ELP3: variants seen among roughly 807,000 people sequenced by gnomAD.
ELP3 encodes elongator acetyltransferase complex subunit 3.
A neutral mutation model predicts 74.9 loss-of-function variants in ELP3; 56 were observed. The ratio of observed to expected loss-of-function variants is 0.75; its 90% CI spans 0.60 to 0.93. The LOEUF (loss-of-function observed/expected upper bound fraction) is 0.93. Ranked by LOEUF, ELP3 falls within the 40% of genes least tolerant of loss-of-function variation. ELP3 has a pLI of 0.00. For missense variants in ELP3, 573 were observed against 686.5 expected, an observed-to-expected ratio of 0.83 and a Z score of 1.85; for synonymous variants, 222 against 239.8, an observed-to-expected ratio of 0.93 and a Z score of 0.68.
At position 28,166,575 on chromosome 8, in the gene ELP3, A is replaced by G. The variant is rs555168576; in HGVS notation, c.1567+4497A>G. On this transcript the variant is annotated intron_variant, in intron 14 of 14. Coordinates refer to ENST00000256398, the MANE Select transcript of ELP3 (RefSeq NM_018091.6). ...ACGATGTTTATCTACTTGGGTGATC[A>G]GCATTCTTTCCTTTAAAAATGTTAA... Among the ~76,000 whole-genome samples, 4 of 152,346 alleles carry G rather than the reference A, an allele frequency of 2.6e-5. No homozygotes were observed. In the South Asian group the frequency reaches 8.3e-4, roughly 32 times the overall value.
At chr8:28,149,146 A>G (rs1252160857) in intron 10 of ELP3, among the ~76,000 whole-genome samples, 3 of 152,208 alleles carry the variant, frequency 2.0e-5, no homozygotes, top group Non-Finnish European at 4.4e-5. Flanking sequence ...GTTGTTCATA[A>G]TCTAAACAGT....
chr8:28,164,640 G>C (rs1172275255), intron 14 of ELP3, among the ~76,000 whole-genome samples: 1 of 152,056 alleles, frequency 6.6e-6, no homozygotes, highest in East Asian at 1.9e-4. Context: ...TTTGACTTAA[G>C]CTCTGGTCAC....
At chr8:28,129,698 C>T (rs1342207479) in intron 8 of ELP3, 35 bp downstream of exon 8, 4 of 1,611,080 alleles carry the variant, frequency 2.5e-6, no homozygotes, top group Non-Finnish European at 3.4e-6. Flanking sequence ...CACAAGTCTT[C>T]CTCCAAGTTC....
At chr8:28,171,826 A>G (rs1358818380) in intron 14 of ELP3, among the ~76,000 whole-genome samples, 1 of 152,096 alleles carries the variant, frequency 6.6e-6, no homozygotes, top group Non-Finnish European at 1.5e-5. Context: ...TTTTGAGTTC[A>G]TTTTTGTATA....
chr8:28,150,980 G>T (rs1000090768), intron 10 of ELP3, among the ~76,000 whole-genome samples: 1 of 152,070 alleles, frequency 6.6e-6, no homozygotes, highest in African/African-American at 2.4e-5. Flanking sequence ...TCATTATGTT[G>T]TCTAGGCTGG....
At chr8:28,176,335 A>C (rs1378295280) in intron 14 of ELP3, among the ~76,000 whole-genome samples, 2 of 152,234 alleles carry the variant, frequency 1.3e-5, no homozygotes, top group Admixed American at 6.5e-5. Context: ...AACAAAGACA[A>C]GTGTCTGCAC....
At chr8:28,120,035 T>C (rs1301518256) in intron 7 of ELP3, among the ~76,000 whole-genome samples, 1 of 152,208 alleles carries the variant, frequency 6.6e-6, no homozygotes, top group African/African-American at 2.4e-5. Flanking sequence ...TTTGTGGCCA[T>C]TATGAATAAA....
chr8:28,156,018 G>T lies in ELP3; in HGVS notation c.1177G>T (p.Asp393Tyr). The change falls in exon 11 of 15, where the codon GAC (aspartate) becomes TAC (tyrosine). Residue 393 changes from aspartate to tyrosine, a missense_variant. Asp to Tyr is a radical substitution (Grantham distance 160). Coordinates refer to ENST00000256398, the MANE Select transcript of ELP3 (RefSeq NM_018091.6). ...AGAGCTGGCACTTGCAAGAATGAAA[G>T]ACCTCGGAATACAGGTAAGAGCAAA... ...LRELALARMKDLGIQCRDVRT... is the reference protein window; with the variant it reads ...LRELALARMKYLGIQCRDVRT... The T allele has an allele frequency of 1.2e-6, 2 of 1,613,680 alleles. No individual in the cohort carries two copies. The highest frequency in any genetic ancestry group is 2.2e-5 in the South Asian group (2 of 91,060).
intron 13 of ELP3, among the ~76,000 whole-genome samples, chr8:28,160,956 A>G (rs571045176): frequency 6.6e-6 from 1 of 152,282 alleles, no homozygotes; most frequent in East Asian, 1.9e-4. Flanking sequence ...TGGCCTCCCA[A>G]AGTGCTGAGA....
intron 14 of ELP3, among the ~76,000 whole-genome samples, chr8:28,165,611 G>A (rs1814276051): frequency 6.6e-6 from 1 of 151,960 alleles, no homozygotes; most frequent in Admixed American, 6.6e-5. Flanking sequence ...TTATCATTTT[G>A]GTTACTGTTG....
intron 10 of ELP3, among the ~76,000 whole-genome samples, chr8:28,143,966 A>G (rs1813338554): frequency 6.6e-6 from 1 of 152,202 alleles, no homozygotes; most frequent in Admixed American, 6.5e-5. Flanking sequence ...CACAACCTCT[A>G]TAGAATTGGG....
chr8:28,111,576 CG>C (rs1811916955), intron 6 of ELP3, among the ~76,000 whole-genome samples: 1 of 152,166 alleles, frequency 6.6e-6, no homozygotes, highest in Non-Finnish European at 1.5e-5. Context: ...ACAGGATTGT[CG>C]GTGACAGGAG....
chr8:28,144,502 C>G (rs2130503637), intron 10 of ELP3, among the ~76,000 whole-genome samples: 1 of 152,182 alleles, frequency 6.6e-6, no homozygotes, highest in East Asian at 1.9e-4. Context: ...TGCCTGTAGT[C>G]CCAGCTGCTC....
chr8:28,164,898 G>A (rs189043703), intron 14 of ELP3, among the ~76,000 whole-genome samples: 13 of 152,164 alleles, frequency 8.5e-5, no homozygotes, highest in African/African-American at 2.2e-4. Context: ...ATGTGTGTGC[G>A]TGTGTTTTAG....
Position 28,138,714 on chromosome 8 carries a change from C to T in ELP3, c.1100+823C>T, listed in dbSNP as rs3757896. On this transcript the variant is annotated intron_variant, in intron 10 of 14. Coordinates refer to ENST00000256398, the MANE Select transcript of ELP3 (RefSeq NM_018091.6). Reference sequence around the variant, plus strand: ...AAAGCAATGAACACTGAAAACAAGCCGAATTAACTACTTAAGGAGAATTAT... The same window carrying T: ...AAAGCAATGAACACTGAAAACAAGCTGAATTAACTACTTAAGGAGAATTAT... 9.6e-3 allele frequency among the ~76,000 whole-genome samples: 1,456 copies of T among 152,176 alleles called. 30 individuals carry two copies. The highest frequency in any genetic ancestry group is 0.03 in the African/African-American group (1,228 of 41,522).
At chr8:28,187,941 G>A (rs1563296407) in intron 14 of ELP3, among the ~76,000 whole-genome samples, 2 of 152,222 alleles carry the variant, frequency 1.3e-5, no homozygotes, top group Non-Finnish European at 2.9e-5. Flanking sequence ...CACAGGAAGC[G>A]CGTGCACAGA....
intron 8 of ELP3, 53 bp from the exon 9 acceptor site, chr8:28,132,225 G>C: frequency 6.4e-7 from 1 of 1,573,202 alleles, no homozygotes; most frequent in East Asian, 2.2e-5. Flanking sequence ...TTGTGTAACA[G>C]ATGTTACACA....
chr8:28,160,314 T>A lies in ELP3; in HGVS notation c.1343T>A (p.Ile448Asn), dbSNP rs750374095. Residue 448 changes from isoleucine to asparagine, a missense_variant, in exon 13 of 15, where the codon ATT becomes AAT. By Grantham distance (149) the Ile-to-Asn change is moderately radical. Coordinates refer to ENST00000256398, the MANE Select transcript of ELP3 (RefSeq NM_018091.6). ...SYEDPDQDIL[I>N]GLLRLRKCSE... Reference sequence around the variant, plus strand: ...GAAGACCCAGATCAAGACATTTTGATTGGCCTCCTACGATTACGCAAGTGT... The same window carrying A: ...GAAGACCCAGATCAAGACATTTTGAATGGCCTCCTACGATTACGCAAGTGT... The A allele has an allele frequency of 2.5e-6, 4 of 1,614,068 alleles. No homozygotes were observed. Among genetic ancestry groups the A allele is most frequent in the Non-Finnish European group, 3.4e-6 (4 of 1,180,036 alleles).
At chr8:28,178,489 G>C (rs879495069) in intron 14 of ELP3, among the ~76,000 whole-genome samples, 10 of 152,178 alleles carry the variant, frequency 6.6e-5, no homozygotes, top group African/African-American at 2.4e-4. Context: ...CTGTAAGATT[G>C]AGTCAACGTT....
Sources: gnomAD v4.1 joint callset for allele counts (sites outside exome capture counted in the v4.1 genomes callset) on GRCh38, gnomAD v4.1.1 for gene constraint, MANE v1.5 for transcripts, NCBI Gene and HGNC (gene_info 2026-07-23, HGNC 2026-07-21) for gene names.